PLCB1: variants seen among roughly 807,000 people sequenced by gnomAD.
PLCB1 encodes the protein 1-phosphatidylinositol 4,5-bisphosphate phosphodiesterase beta-1.
A neutral mutation model predicts 161.8 loss-of-function variants in PLCB1; 46 were observed. That is an observed-to-expected ratio of 0.28 (90% CI 0.22 to 0.36). The LOEUF (loss-of-function observed/expected upper bound fraction) is 0.36, where lower values mean the gene tolerates loss of function less well. Ranked by LOEUF, PLCB1 falls within the 10% of genes least tolerant of loss-of-function variation. The pLI is 1.00. For synonymous variants in PLCB1, 517 were observed against 503.7 expected (o/e 1.03, Z -0.35); for missense variants, 1,016 against 1,472.5 (o/e 0.69, Z 5.07).
intron 2 of PLCB1, among the ~76,000 whole-genome samples, chr20:8,354,010 AG>A (rs1986276365): frequency 6.6e-6 from 1 of 150,854 alleles, no homozygotes; most frequent in South Asian, 2.1e-4. Flanking sequence ...CTAGAATAGA[AG>A]GCTATTTAAA....
rs572353274 is a variant in PLCB1 at position 8,791,621 on chromosome 20, G to T, written c.3423+1360G>T. Among the ~76,000 whole-genome samples, 4 of 150,786 alleles carry T rather than the reference G, an allele frequency of 2.7e-5. No individual in the cohort carries two copies. In the East Asian group the frequency reaches 5.9e-4, roughly 22 times the overall value. ...ATTTCAAAAAAATTTAGGTAATATG[G>T]TTCTTTTCAGAGTTTCATTTTGCTT... On this transcript the variant is annotated intron_variant, in intron 31 of 31. Coordinates refer to ENST00000338037, the MANE Select transcript of PLCB1 (RefSeq NM_015192.4).
chr20:8,414,514 A>G (rs750382523), intron 3 of PLCB1, among the ~76,000 whole-genome samples: 4 of 152,252 alleles, frequency 2.6e-5, no homozygotes, highest in Non-Finnish European at 4.4e-5. Context: ...AAGAGAAGAA[A>G]AAATGCCACA....
intron 3 of PLCB1, among the ~76,000 whole-genome samples, chr20:8,550,266 G>A (rs1362038222): frequency 6.6e-6 from 1 of 151,956 alleles, no homozygotes; most frequent in African/African-American, 2.4e-5. Context: ...ATTTTGGAGG[G>A]GCCAGGGATA....
chr20:8,429,542 A>C (rs574396191), intron 3 of PLCB1, among the ~76,000 whole-genome samples: 1 of 152,154 alleles, frequency 6.6e-6, no homozygotes, highest in African/African-American at 2.4e-5. Context: ...AAAATGTCAG[A>C]GGTATCCCAA....
At chr20:8,560,657 T>A (rs576068183) in intron 3 of PLCB1, among the ~76,000 whole-genome samples, 102 of 152,126 alleles carry the variant, frequency 6.7e-4, no homozygotes, top group Non-Finnish European at 1.1e-3. Context: ...AAATGTCATC[T>A]TTTTTTGTTT....
At chr20:8,777,973 G>C (rs747602532) in intron 27 of PLCB1, among the ~76,000 whole-genome samples, 3 of 152,050 alleles carry the variant, frequency 2.0e-5, no homozygotes, top group Non-Finnish European at 2.9e-5. Context: ...ACTATCATGA[G>C]AACAGCATGG....
chr20:8,869,038 T>C (rs1035245052), intron 31 of PLCB1, among the ~76,000 whole-genome samples: 1 of 152,230 alleles, frequency 6.6e-6, no homozygotes, highest in African/African-American at 2.4e-5. Context: ...ATGAACAATG[T>C]GCTGAATGTT....
chr20:8,798,006 C>T (rs1164120913), intron 31 of PLCB1, among the ~76,000 whole-genome samples: 12 of 152,092 alleles, frequency 7.9e-5, no homozygotes, highest in Non-Finnish European at 1.3e-4. Flanking sequence ...CCAGCCTCGC[C>T]AACATGGTGA....
intron 2 of PLCB1, among the ~76,000 whole-genome samples, chr20:8,278,126 C>T (rs560611478): frequency 6.6e-6 from 1 of 151,674 alleles, no homozygotes; most frequent in South Asian, 2.1e-4. Context: ...TACAGCTATA[C>T]AAAAGAATTA....
In PLCB1 at chr20:8,624,661, G is replaced by C. The variant is rs149163163; in HGVS notation, c.247-3633G>C. Among the ~76,000 whole-genome samples, 7 of 152,128 alleles carry C rather than the reference G, an allele frequency of 4.6e-5. No homozygotes were observed. In the East Asian group the frequency reaches 1.4e-3, roughly 30 times the overall value. On this transcript the variant is annotated intron_variant, in intron 3 of 31. Coordinates refer to ENST00000338037, the MANE Select transcript of PLCB1 (RefSeq NM_015192.4). ...AGAACAGTCTTTACTTTCTTCAGTG[G>C]CCAATTACCTGAAAATGGGAATCAT...
chr20:8,286,776 G>T (rs796108448), intron 2 of PLCB1, among the ~76,000 whole-genome samples: 1 of 152,108 alleles, frequency 6.6e-6, no homozygotes, highest in Non-Finnish European at 1.5e-5. Context: ...ATTAAAGAGA[G>T]GATCTCCTTA....
intron 3 of PLCB1, among the ~76,000 whole-genome samples, chr20:8,378,882 C>T (rs1040942834): frequency 5.3e-5 from 8 of 152,194 alleles, no homozygotes; most frequent in African/African-American, 1.9e-4. Context: ...GAGTAGATTC[C>T]ATTTCAAGAA....
chr20:8,839,681 C>A (rs985699119), intron 31 of PLCB1, among the ~76,000 whole-genome samples: 2 of 149,842 alleles, frequency 1.3e-5, no homozygotes, highest in African/African-American at 4.9e-5. Flanking sequence ...TCGCAGCATG[C>A]TAGAAAGCCT....
intron 3 of PLCB1, among the ~76,000 whole-genome samples, chr20:8,585,086 G>T (rs1261635260): frequency 6.6e-6 from 1 of 152,170 alleles, no homozygotes; most frequent in African/African-American, 2.4e-5. Flanking sequence ...CTCATTGGGT[G>T]CTCTTGCCCA....
At chr20:8,184,890 C>T (rs1162963420) in intron 2 of PLCB1, among the ~76,000 whole-genome samples, 2 of 151,436 alleles carry the variant, frequency 1.3e-5, no homozygotes, top group Admixed American at 1.3e-4. Flanking sequence ...TTGCTGCACC[C>T]ATCAACCCGT....
chr20:8,250,171 A>G (rs1278712734), intron 2 of PLCB1, among the ~76,000 whole-genome samples: 1 of 151,890 alleles, frequency 6.6e-6, no homozygotes, highest in African/African-American at 2.4e-5. Flanking sequence ...TATCATTTCT[A>G]TATCTGATGG....
At chr20:8,394,353 C>G (rs1028010497) in intron 3 of PLCB1, among the ~76,000 whole-genome samples, 1 of 152,128 alleles carries the variant, frequency 6.6e-6, no homozygotes, top group African/African-American at 2.4e-5. Context: ...ACTTAGGGAG[C>G]AATAACTTTT....
In PLCB1 at chr20:8,849,173, G is replaced by T. The variant is rs181626807; in HGVS notation, c.3424-32449G>T. Among the ~76,000 whole-genome samples, 5 of 152,288 alleles carry T rather than the reference G, an allele frequency of 3.3e-5. No individual in the cohort carries two copies. In the East Asian group the frequency reaches 9.7e-4, roughly 29 times the overall value. On this transcript the variant is annotated intron_variant, in intron 31 of 31. Coordinates refer to ENST00000338037, the MANE Select transcript of PLCB1 (RefSeq NM_015192.4). ...AATAAAAGAGAAGCCAAACACTCAA[G>T]TGGGCACTGCTTCCCATTTTTTGAC...
intron 23 of PLCB1, among the ~76,000 whole-genome samples, chr20:8,753,510 C>T (rs1981587474): frequency 6.6e-6 from 1 of 152,166 alleles, no homozygotes; most frequent in Non-Finnish European, 1.5e-5. Flanking sequence ...ATTACTGACC[C>T]TCTTCTCTAT....
Sources: gnomAD v4.1 joint callset for allele counts (sites outside exome capture counted in the v4.1 genomes callset) on GRCh38, gnomAD v4.1.1 for gene constraint, MANE v1.5 for transcripts, NCBI Gene and HGNC (gene_info 2026-07-23, HGNC 2026-07-21) for gene names.